JMJD1C: variants seen among roughly 807,000 people sequenced by gnomAD.
The protein encoded by JMJD1C is jumonji domain-containing protein 1C.
Under a neutral mutation model 245.3 loss-of-function variants are expected in JMJD1C, and 31 were observed. The observed-to-expected ratio is 0.13, with a 90% CI of 0.09 to 0.17. The LOEUF (loss-of-function observed/expected upper bound fraction) is 0.17. JMJD1C is among the 10% of genes least tolerant of loss of function. JMJD1C has a pLI of 1.00. For missense variants in JMJD1C, 2,691 were observed against 3,000.2 expected, an observed-to-expected ratio of 0.90 and a Z score of 2.41; for synonymous variants, 1,057 against 1,017.4, an observed-to-expected ratio of 1.04 and a Z score of -0.74.
chr10:63,396,661 T>C (rs1948509209), intron 1 of JMJD1C, among the ~76,000 whole-genome samples: 1 of 152,178 alleles, frequency 6.6e-6, no homozygotes, highest in South Asian at 2.1e-4. Flanking sequence ...GGATATGGAA[T>C]CTTATTTACA....
intron 17 of JMJD1C, among the ~76,000 whole-genome samples, chr10:63,189,785 A>T (rs1363267163): frequency 2.6e-5 from 4 of 152,106 alleles, no homozygotes; most frequent in Admixed American, 2.6e-4. Flanking sequence ...TATGTTGCTC[A>T]GGCTGGTTTC....
intron 3 of JMJD1C, among the ~76,000 whole-genome samples, chr10:63,240,625 G>A (rs1851364587): frequency 6.6e-6 from 1 of 152,146 alleles, no homozygotes; most frequent in Admixed American, 6.5e-5. Context: ...ATGAAGGAAA[G>A]GAGTAAGATA....
chr10:63,264,453 G>C (rs1855274924), intron 3 of JMJD1C, among the ~76,000 whole-genome samples, 198 bp downstream of exon 3: 2 of 151,978 alleles, frequency 1.3e-5, no homozygotes, highest in Admixed American at 6.6e-5. Context: ...GCTCATAGTA[G>C]GTTCTCAGTA....
At chr10:63,466,944 T>G (rs1284970858), upstream of JMJD1C, among the ~76,000 whole-genome samples, 1 of 152,200 alleles carries the variant, frequency 6.6e-6, no homozygotes, top group Non-Finnish European at 1.5e-5. Flanking sequence ...CCCTTTATAC[T>G]GCTTTTTTAT....
At chr10:63,295,995 G>GTA (rs1212721181) in intron 2 of JMJD1C, among the ~76,000 whole-genome samples, 56 of 47,366 alleles carry the variant, frequency 1.2e-3, no homozygotes, top group South Asian at 2.3e-3. Flanking sequence ...GTGTGTGTGT[G>GTA]TGTGTGTGTA....
chr10:63,260,890 G>A (rs747720425), intron 3 of JMJD1C, among the ~76,000 whole-genome samples: 4 of 151,800 alleles, frequency 2.6e-5, no homozygotes, highest in South Asian at 2.1e-4. Context: ...CGTGCCTGGC[G>A]TAACAAAAAA....
intron 1 of JMJD1C, among the ~76,000 whole-genome samples, chr10:63,513,890 G>A (rs547419355): frequency 1.3e-5 from 2 of 152,216 alleles, no homozygotes; most frequent in South Asian, 4.1e-4. Flanking sequence ...TCCAGCCTGG[G>A]TGGCAGGGCA....
chr10:63,465,557 T>C lies in JMJD1C; in HGVS notation c.106A>G (p.Ser36Gly), dbSNP rs1181797527. The C allele has an allele frequency of 1.4e-5, 23 of 1,603,676 alleles. No individual in the cohort carries two copies. The highest frequency in any genetic ancestry group is 1.9e-5 in the Non-Finnish European group (22 of 1,178,698). ...ERWESGRGWR[S>G]WRAGVIRAVS... ...GCTCGGATGACCCCCGCTCGCCAGC[T>C]TCGCCAGCCGCGTCCGCTCTCCCAG... Residue 36 changes from serine (S) to glycine (G), a missense_variant, in exon 1 of 26, where the codon AGC becomes GGC. Ser to Gly is a moderately conservative substitution (Grantham distance 56, BLOSUM62 0). Transcript: ENST00000399262.
chr10:63,374,868 T>C (rs1946597534), intron 2 of JMJD1C, among the ~76,000 whole-genome samples: 1 of 152,090 alleles, frequency 6.6e-6, no homozygotes, highest in Admixed American at 6.5e-5. Flanking sequence ...GCAGAGATTT[T>C]GTACTTGCTA....
intron 1 of JMJD1C, among the ~76,000 whole-genome samples, chr10:63,384,680 A>G (rs1947455713): frequency 6.6e-6 from 1 of 152,224 alleles, no homozygotes; most frequent in African/African-American, 2.4e-5. Context: ...TAGATTTAAA[A>G]TAATTCTTAG....
upstream of JMJD1C, among the ~76,000 whole-genome samples, chr10:63,470,415 C>T (rs374635220): frequency 1.7e-3 from 259 of 152,254 alleles, 2 homozygotes; most frequent in Middle Eastern, 0.044. Context: ...GTCTTATGTA[C>T]ATTATCTCTT....
chr10:63,248,284 T>C (rs1161870235), intron 3 of JMJD1C, among the ~76,000 whole-genome samples: 1 of 151,302 alleles, frequency 6.6e-6, no homozygotes. Flanking sequence ...AACATGGTGG[T>C]CAAGTTGCTA....
In JMJD1C at chr10:63,351,685, T is replaced by TA. The variant is rs538466318; in HGVS notation, c.333+28632dup. Among the ~76,000 whole-genome samples, 17 of 152,224 alleles carry TA rather than the reference T, an allele frequency of 1.1e-4. No individual in the cohort carries two copies. In the East Asian group the frequency reaches 3.3e-3, roughly 29 times the overall value. On this transcript the variant is annotated intron_variant, in intron 2 of 25. Coordinates refer to ENST00000399262, the MANE Select transcript of JMJD1C (RefSeq NM_032776.3). Reference sequence around the variant, plus strand: ...ATGCAAAGAAGACTAACAAGAGACCTACAAAGGGCTAACTACTCATTGGGA... The same window carrying TA: ...ATGCAAAGAAGACTAACAAGAGACCTAACAAAGGGCTAACTACTCATTGGGA...
At chr10:63,490,564 C>T (rs994960768) in intron 1 of JMJD1C, among the ~76,000 whole-genome samples, 11 of 152,012 alleles carry the variant, frequency 7.2e-5, no homozygotes, top group Admixed American at 2.0e-4. Context: ...TACAGATACG[C>T]GCCACCATGC....
At chr10:63,470,604 G>A (rs913343610), upstream of JMJD1C, among the ~76,000 whole-genome samples, 1 of 152,282 alleles carries the variant, frequency 6.6e-6, no homozygotes, top group East Asian at 1.9e-4. Context: ...GATCCTATGA[G>A]TGTATATCCA....
At chr10:63,338,506 A>T (rs1943054356) in intron 2 of JMJD1C, among the ~76,000 whole-genome samples, 1 of 152,064 alleles carries the variant, frequency 6.6e-6, no homozygotes, top group Non-Finnish European at 1.5e-5. Flanking sequence ...GATAAAATTT[A>T]AGTAGGCACC....
At chr10:63,197,019 T>A (rs1053084156) in intron 13 of JMJD1C, among the ~76,000 whole-genome samples, 2 of 151,902 alleles carry the variant, frequency 1.3e-5, no homozygotes, top group African/African-American at 4.8e-5. Context: ...CCCAGGCTGG[T>A]CTTGAACACC....
At chr10:63,493,966 G>T (rs1054105153) in intron 1 of JMJD1C, among the ~76,000 whole-genome samples, 2 of 152,204 alleles carry the variant, frequency 1.3e-5, no homozygotes, top group African/African-American at 4.8e-5. Context: ...TCCCGTAGCT[G>T]GCAGGAAGTA....
chr10:63,427,371 G>C, intron 1 of JMJD1C: 2 of 1,045,198 alleles, frequency 1.9e-6, no homozygotes, highest in Non-Finnish European at 2.8e-6. Flanking sequence ...TCTGGCATCA[G>C]TACCCAAATC....
Sources: allele counts gnomAD v4.1 joint callset (sites outside exome capture counted in the v4.1 genomes callset), GRCh38; gene constraint gnomAD v4.1.1; transcripts MANE v1.5; gene names NCBI Gene and HGNC (gene_info 2026-07-23, HGNC 2026-07-21).